The following DLL1 variants were observed in gnomAD, a reference collection of about 807,000 sequenced individuals.
DLL1 encodes the protein delta-like protein 1.
Under a neutral mutation model 75.1 loss-of-function variants are expected in DLL1, and 9 were observed. That is an observed-to-expected ratio of 0.12 (90% CI 0.07 to 0.21). DLL1 has a LOEUF of 0.21. Among genes scored for constraint, DLL1 ranks in the 10% least tolerant of loss-of-function variants. The pLI is 1.00. For missense variants in DLL1, 837 were observed against 1,007.6 expected (o/e 0.83, Z 2.29); for synonymous variants, 477 against 418.3 (o/e 1.14, Z -1.71).
chr6:170,288,189 G>T (rs762916243), intron 4 of DLL1, 50 bp downstream of exon 4: 6 of 1,613,002 alleles, frequency 3.7e-6, no homozygotes, highest in East Asian at 2.2e-5. Flanking sequence ...CCCTGCGCGC[G>T]GTCCGTGTTC....
rs1280275096 is a variant in DLL1 at position 170,290,063 on chromosome 6, G to C, written c.54+23C>G. ...TACCCGTGAGACCCCGCGGGGCCGC[G>C]GCGCCCCCACCTGCCCGCCTACCTG... On this transcript the variant is annotated intron_variant, in intron 1 of 10. Coordinates refer to ENST00000366756, the MANE Select transcript of DLL1 (RefSeq NM_005618.4). The surrounding 1 kb of genome is among the most constrained non-coding windows in gnomAD (Gnocchi z 4.7). The C allele has an allele frequency of 6.4e-7, 1 of 1,569,346 alleles. No individual in the cohort carries two copies. Among genetic ancestry groups the C allele is most frequent in the African/African-American group, 1.4e-5 (1 of 71,656 alleles).
Position 170,283,003 on chromosome 6 carries a change from G to A in DLL1, c.2151C>T (p.Cys717=), listed in dbSNP as rs373200536. ...CTGCACTGACCTCAGTTGCTATGACGCACTCATCCTTCTCCTCGGATATGA... is the reference window on the plus strand; with the variant it reads ...CTGCACTGACCTCAGTTGCTATGACACACTCATCCTTCTCCTCGGATATGA... The part of the protein sequence containing the change: ...VYVISEEKDE[C]VIATEV Residue 717 remains cysteine (C), a synonymous_variant, in exon 10 of 11, where the codon TGC becomes TGT. Coordinates refer to ENST00000366756, the MANE Select transcript of DLL1 (RefSeq NM_005618.4). The A allele has an allele frequency of 1.5e-4, 245 of 1,614,012 alleles. No homozygotes were observed. Among genetic ancestry groups the A allele is most frequent in the Non-Finnish European group, 1.7e-4 (200 of 1,180,006 alleles).
At position 170,284,038 on chromosome 6, in the gene DLL1, CAG is replaced by C; in HGVS notation, c.1250-11_1250-10del. 1 of 1,560,994 alleles carries C rather than the reference CAG, an allele frequency of 6.4e-7. No individual in the cohort carries two copies. Among genetic ancestry groups the C allele is most frequent in the Non-Finnish European group, 8.6e-7 (1 of 1,161,356 alleles). ...GTCCACACACTTGGCACCTGGAACACAGGGACATGAACATCACGTGTCTCCTC... is the reference window on the plus strand; with the variant it reads ...GTCCACACACTTGGCACCTGGAACACGGACATGAACATCACGTGTCTCCTC... On this transcript the variant is annotated splice_polypyrimidine_tract_variant and intron_variant, in intron 8 of 10. Coordinates refer to ENST00000366756, the MANE Select transcript of DLL1 (RefSeq NM_005618.4).
intron 4 of DLL1, chr6:170,288,021 G>C (rs541633784): frequency 2.6e-5 from 18 of 689,274 alleles, no homozygotes; most frequent in Non-Finnish European, 4.4e-5. Context: ...TCCGATAGTG[G>C]ATAAACACAG....
At chr6:170,289,340 C>A (rs1180980307) in intron 2 of DLL1, 172 bp downstream of exon 2, 2 of 1,123,392 alleles carry the variant, frequency 1.8e-6, no homozygotes, top group Admixed American at 4.7e-5. Flanking sequence ...GGCGAGGTGT[C>A]CGCGCTGCTG....
chr6:170,290,301 C>A lies in DLL1; in HGVS notation c.-162G>T. On this transcript the variant is annotated 5_prime_UTR_variant, in exon 1 of 11. Coordinates refer to ENST00000366756, the MANE Select transcript of DLL1 (RefSeq NM_005618.4). This position sits in a 1 kb window ranked among gnomAD's most constrained non-coding sequence, Gnocchi z 4.7. ...AGGACTTCTTTCTTTAAAAGCCGGTCTCCGCCTCTTCCCAAGGCCGCGGTT... is the reference window on the plus strand; with the variant it reads ...AGGACTTCTTTCTTTAAAAGCCGGTATCCGCCTCTTCCCAAGGCCGCGGTT... The A allele has an allele frequency of 1.4e-6, 1 of 702,126 alleles. No individual in the cohort carries two copies. Among genetic ancestry groups the A allele is most frequent in the South Asian group, 2.9e-5 (1 of 34,498 alleles). The allele number at this position is 702,126 out of a possible 1,614,324, so 43.5% of individuals were successfully genotyped here.
intron 2 of DLL1, among the ~76,000 whole-genome samples, chr6:170,288,997 C>G (rs1332650308): frequency 1.3e-5 from 2 of 152,160 alleles, no homozygotes. Context: ...GAGTGGTTTC[C>G]TGACGTGTTT....
At chr6:170,284,763 T>C (rs1783657645) in intron 8 of DLL1, among the ~76,000 whole-genome samples, 156 bp downstream of exon 8, 1 of 152,184 alleles carries the variant, frequency 6.6e-6, no homozygotes, top group African/African-American at 2.4e-5. Context: ...CCCAGGCCTT[T>C]CCAGACTCAA....
In DLL1 at chr6:170,290,694, C is replaced by T. The variant is rs965176394; in HGVS notation, c.-555G>A. ...TGTGCGCGGCGGCCCCTGCGGATCG[C>T]GGCCCGGTGTCACTCGGCGGCGGCG... On this transcript the variant is annotated 5_prime_UTR_variant, in exon 1 of 11. Coordinates refer to ENST00000366756, the MANE Select transcript of DLL1 (RefSeq NM_005618.4). This position sits in a 1 kb window ranked among gnomAD's most constrained non-coding sequence, Gnocchi z 4.7. 9.5e-6 allele frequency: 3 copies of T among 315,960 alleles called. No homozygotes were observed. The highest frequency in any genetic ancestry group is 9.4e-4 in the Middle Eastern group (1 of 1,060). The allele number at this position is 315,960 out of a possible 1,614,324, so 19.6% of individuals were successfully genotyped here. A position where few individuals can be genotyped will look rare whatever the true frequency, so the allele number is the denominator to read the frequency against.
chr6:170,286,872 G>A (rs908160783), intron 4 of DLL1, among the ~76,000 whole-genome samples: 12 of 152,152 alleles, frequency 7.9e-5, no homozygotes, highest in Admixed American at 2.0e-4. Flanking sequence ...GTGTCCCTGC[G>A]CCTATCCCCG....
Position 170,283,763 on chromosome 6 carries a change from C to G in DLL1, c.1516G>C (p.Glu506Gln). ...CHERGHRYVC[E>Q]CARGYGGPNC... is the part of the protein sequence containing the mutation. ...GGACCCCCGTAGCCTCGGGCACACT[C>G]GCACACATAGCGGTGGCCCCTCTCG... Residue 506 changes from glutamate to glutamine, a missense_variant, in exon 9 of 11, where the codon GAG becomes CAG. Glu to Gln is a conservative substitution (Grantham distance 29). Coordinates refer to ENST00000366756, the MANE Select transcript of DLL1 (RefSeq NM_005618.4). 6.3e-7 allele frequency: 1 copy of G among 1,585,034 alleles called. No homozygotes were observed. The highest frequency in any genetic ancestry group is 1.1e-5 in the South Asian group (1 of 87,920).
intron 1 of DLL1, 55 bp from the exon 2 acceptor site, chr6:170,289,863 C>T (rs1201772887): frequency 6.6e-7 from 1 of 1,524,038 alleles, no homozygotes; most frequent in Non-Finnish European, 8.8e-7. Flanking sequence ...AGCTAGGGGG[C>T]GTGAGGCCTG....
rs1783616644 is a variant in DLL1 at position 170,283,478 on chromosome 6, C to T, written c.1801G>A (p.Asp601Asn). The T allele has an allele frequency of 6.2e-7, 1 of 1,612,432 alleles. No individual in the cohort carries two copies. Among genetic ancestry groups the T allele is most frequent in the African/African-American group, 1.3e-5 (1 of 75,042 alleles). The change falls in exon 9 of 11, where the codon GAC becomes AAC. Residue 601 changes from aspartate to asparagine, a missense_variant. Transcript: ENST00000366756. ...NNLANCQREK[D>N]ISVSIIGATQ... ...GCCCCGATGATGCTGACTGAGATGT[C>T]CTTCTCACGCTGGCAGTTGGCCAGG... is the stretch of plus-strand genomic sequence containing the variant.
chr6:170,286,223 CT>C lies in DLL1; in HGVS notation c.731+14del, dbSNP rs1406116353. ...AAAAGGCAACAAAACAAAACACCAC[CT>C]TGTGCAGACTTACTTGCATTCCCCT... On this transcript the variant is annotated intron_variant, in intron 5 of 10. Coordinates refer to ENST00000366756, the MANE Select transcript of DLL1 (RefSeq NM_005618.4). 1.2e-6 allele frequency: 2 copies of C among 1,614,190 alleles called. No individual in the cohort carries two copies. The highest frequency in any genetic ancestry group is 1.7e-6 in the Non-Finnish European group (2 of 1,180,032).
rs2114961734 is a variant in DLL1 at position 170,286,396 on chromosome 6, AG to A, written c.671-99del. ...AGGACACAACTCGCCGGCTTCAGTC[AG>A]CAAATCCCAGCTGAGTTAATCTTCC... On this transcript the variant is annotated intron_variant, in intron 4 of 10. Transcript: ENST00000366756. 4 of 1,424,292 alleles carry A rather than the reference AG, an allele frequency of 2.8e-6. No individual in the cohort carries two copies. The South Asian group carries it at 4.6e-5, about 16-fold the overall frequency. The allele number at this position is 1,424,292 out of a possible 1,614,324, so 88.2% of individuals were successfully genotyped here. A position where few individuals can be genotyped will look rare whatever the true frequency, so the allele number is the denominator to read the frequency against.
rs1783852731 is a variant in DLL1 at position 170,290,964 on chromosome 6, C to A, written c.-825G>T. ...GGCGCCTGCCGCCCTTATATTCAGC[C>A]GGCCGCCCGCATGGCTAATGAGATG... On this transcript the variant is annotated 5_prime_UTR_variant, in exon 1 of 11. Transcript: ENST00000366756. This position sits in a 1 kb window ranked among gnomAD's most constrained non-coding sequence, Gnocchi z 4.7. The A allele has an allele frequency of 4.3e-6, 3 of 700,988 alleles. No individual in the cohort carries two copies. Among genetic ancestry groups the A allele is most frequent in the Non-Finnish European group, 2.6e-6 (1 of 384,052 alleles). 43.4% of individuals were successfully genotyped at this position (700,988 alleles called of 1,614,324 possible). A position where few individuals can be genotyped will look rare whatever the true frequency, so the allele number is the denominator to read the frequency against.
Position 170,285,052 on chromosome 6 carries a change from G to A in DLL1, c.1116C>T (p.Asp372=), listed in dbSNP as rs757878599. Residue 372 remains aspartate, a synonymous_variant, in exon 8 of 11, where the codon GAC becomes GAT. Transcript: ENST00000366756. ...ACCGACCCCCGTTAAAGCAAGGGCC[G>A]TCCGCACAGGTCATGGCACTCAATT... ...ICELSAMTCA[D]GPCFNGGRCS... is the part of the protein sequence containing the mutation. 8.4e-5 allele frequency: 136 copies of A among 1,614,022 alleles called. No individual in the cohort carries two copies. The highest frequency in any genetic ancestry group is 1.0e-4 in the Non-Finnish European group (123 of 1,180,050).
At position 170,290,923 on chromosome 6, in the gene DLL1, G is replaced by C. The variant is rs1206771235; in HGVS notation, c.-784C>G. 1.0e-5 allele frequency: 7 copies of C among 697,212 alleles called. No individual in the cohort carries two copies. The highest frequency in any genetic ancestry group is 1.8e-5 in the Non-Finnish European group (7 of 382,274). The allele number at this position is 697,212 out of a possible 1,614,324, so 43.2% of individuals were successfully genotyped here. On this transcript the variant is annotated 5_prime_UTR_variant, in exon 1 of 11. Transcript: ENST00000366756. This position sits in a 1 kb window ranked among gnomAD's most constrained non-coding sequence, Gnocchi z 4.7. Reference sequence around the variant, plus strand: ...TCGGGTCTCCGCGGGTGCGCGCAGAGGATCTGGCTCTCGCCGGCGCCTGCC... The same window carrying C: ...TCGGGTCTCCGCGGGTGCGCGCAGACGATCTGGCTCTCGCCGGCGCCTGCC...
intron 4 of DLL1, among the ~76,000 whole-genome samples, chr6:170,287,814 G>T (rs1783736446): frequency 6.6e-6 from 1 of 152,300 alleles, no homozygotes; most frequent in Middle Eastern, 3.4e-3. Context: ...AGAGAAAATG[G>T]AACGTTTCCC....
Sources: gnomAD v4.1 joint callset for allele counts (sites outside exome capture counted in the v4.1 genomes callset) on GRCh38, gnomAD v4.1.1 for gene constraint, Gnocchi (gnomAD v3.1) non-coding constraint, MANE v1.5 for transcripts, NCBI Gene and HGNC (gene_info 2026-07-23, HGNC 2026-07-21) for gene names.